SYNE2: variants seen among roughly 807,000 people sequenced by gnomAD.
SYNE2 encodes spectrin repeat containing nuclear envelope protein 2.
Under a neutral mutation model 856.3 loss-of-function variants are expected in SYNE2, and 431 were observed. The ratio of observed to expected loss-of-function variants is 0.50; its 90% CI spans 0.47 to 0.55. The LOEUF (loss-of-function observed/expected upper bound fraction) is 0.55, where lower values mean the gene tolerates loss of function less well. Ranked by LOEUF, SYNE2 falls within the 20% of genes least tolerant of loss-of-function variation. SYNE2 has a pLI of 0.00. For missense variants in SYNE2, 8,129 were observed against 8,023.2 expected (o/e 1.01, Z -0.50); for synonymous variants, 2,923 against 2,872.3 (o/e 1.02, Z -0.56).
At chr14:63,970,223 CTG>C (rs1566938454) in intron 11 of SYNE2, among the ~76,000 whole-genome samples, 1 of 152,048 alleles carries the variant, frequency 6.6e-6, no homozygotes, top group African/African-American at 2.4e-5. Flanking sequence ...GAATCTCACT[CTG>C]TTGTCCAGAC....
intron 1 of SYNE2, among the ~76,000 whole-genome samples, chr14:63,771,160 C>T (rs1404260215): frequency 6.6e-6 from 1 of 151,310 alleles, no homozygotes; most frequent in Non-Finnish European, 1.5e-5. Context: ...AGCTCCGCCT[C>T]CCGGGTTCAC....
intron 2 of SYNE2, among the ~76,000 whole-genome samples, chr14:63,926,132 C>G (rs530284340): frequency 1.3e-5 from 2 of 152,202 alleles, no homozygotes; most frequent in South Asian, 4.2e-4. Flanking sequence ...GTGTGAGCCA[C>G]CGCACCTGGC....
intron 2 of SYNE2, among the ~76,000 whole-genome samples, chr14:63,924,834 GTTT>G (rs1160819887): frequency 1.8e-5 from 1 of 56,414 alleles, no homozygotes; most frequent in African/African-American, 5.8e-5. Flanking sequence ...CAGCCTTGGT[GTTT>G]TTTTTTTTTT....
rs1270226116 is a variant in SYNE2 at position 63,996,927 on chromosome 14, T to A, written c.2941-20T>A. 6.2e-7 allele frequency: 1 copy of A among 1,611,790 alleles called. No individual in the cohort carries two copies. ...GTAAACTCACCAGAAGCACATTTCC[T>A]GCTTTATTTCTTCAATTAGGCCTGC... On this transcript the variant is annotated intron_variant, in intron 23 of 115. Coordinates refer to ENST00000555002, the MANE Select transcript of SYNE2 (RefSeq NM_182914.3).
At chr14:64,192,413 A>G (rs2098522761) in intron 99 of SYNE2, among the ~76,000 whole-genome samples, 1 of 151,994 alleles carries the variant, frequency 6.6e-6, no homozygotes, top group African/African-American at 2.4e-5. Flanking sequence ...TTAATCGTTC[A>G]TGCTCTGCTT....
intron 92 of SYNE2, 132 bp downstream of exon 92, chr14:64,167,771 C>A: frequency 8.2e-7 from 1 of 1,223,020 alleles, no homozygotes; most frequent in Non-Finnish European, 1.2e-6. Context: ...TAAGCAAATT[C>A]AGTTGTCAAT....
chr14:64,164,327 G>A (rs2098357140), intron 89 of SYNE2, among the ~76,000 whole-genome samples: 1 of 152,072 alleles, frequency 6.6e-6, no homozygotes, highest in African/African-American at 2.4e-5. Flanking sequence ...AGCCAGGATG[G>A]TCTCAATCTC....
chr14:64,082,996 TTCTGC>T lies in SYNE2; in HGVS notation c.11484+1417_11484+1421del, dbSNP rs533355671. On this transcript the variant is annotated intron_variant, in intron 57 of 115. Coordinates refer to ENST00000555002, the MANE Select transcript of SYNE2 (RefSeq NM_182914.3). ...GCGCAGGTGTGTTTCCCTTCTCTTA[TTCTGC>T]CATGAGAAGGAATCCCTTAGAGAAA... is the stretch of plus-strand genomic sequence containing the variant. Among the ~76,000 whole-genome samples, 280 of 152,304 alleles carry T rather than the reference TTCTGC, an allele frequency of 1.8e-3. 1 individual carries two copies. The highest frequency in any genetic ancestry group is 6.6e-3 in the African/African-American group (275 of 41,570).
At chr14:64,166,398 C>T (rs1411982050) in intron 90 of SYNE2, among the ~76,000 whole-genome samples, 1 of 152,150 alleles carries the variant, frequency 6.6e-6, no homozygotes, top group Non-Finnish European at 1.5e-5. Flanking sequence ...GTAGTGGTAA[C>T]TTCAATATTG....
chr14:64,062,618 A>AT, intron 49 of SYNE2, 133 bp from the exon 50 acceptor site: 1 of 847,232 alleles, frequency 1.2e-6, no homozygotes, highest in Non-Finnish European at 1.9e-6. Flanking sequence ...TTTAAAATGC[A>AT]TTGCCTAGCA....
At chr14:63,813,329 G>A (rs751331773) in intron 1 of SYNE2, among the ~76,000 whole-genome samples, 20 of 152,338 alleles carry the variant, frequency 1.3e-4, no homozygotes, top group Middle Eastern at 3.4e-3. Flanking sequence ...ACTATAGCAC[G>A]TGTGGATATC....
intron 34 of SYNE2, among the ~76,000 whole-genome samples, chr14:64,019,318 A>C (rs2096918846): frequency 6.6e-6 from 1 of 152,110 alleles, no homozygotes; most frequent in African/African-American, 2.4e-5. Flanking sequence ...GAAAACAGCC[A>C]ACTGTTGCCA....
intron 35 of SYNE2, 49 bp downstream of exon 35, chr14:64,020,142 A>T: frequency 7.6e-7 from 1 of 1,316,642 alleles, no homozygotes; most frequent in Admixed American, 1.7e-5. Context: ...TCAGTAAGCC[A>T]TAATCATATC....
At chr14:63,982,573 A>C (rs919244252) in intron 16 of SYNE2, 57 bp from the exon 17 acceptor site, 287 of 1,552,202 alleles carry the variant, frequency 1.8e-4, no homozygotes, top group Non-Finnish European at 3.8e-5. Context: ...TTGATTATAC[A>C]TAATAGAAAG....
chr14:64,095,987 C>T (rs1465798497), intron 61 of SYNE2, among the ~76,000 whole-genome samples: 1 of 152,062 alleles, frequency 6.6e-6, no homozygotes, highest in African/African-American at 2.4e-5. Flanking sequence ...TGCTTTGTGC[C>T]GTGTGAGAAC....
At chr14:64,102,151 C>G in intron 64 of SYNE2, 109 bp downstream of exon 64, 4 of 779,580 alleles carry the variant, frequency 5.1e-6, no homozygotes, top group East Asian at 2.7e-5. Context: ...CGGACTCGCT[C>G]TGTCGCCCAG....
At chr14:63,801,921 T>C (rs1888145847) in intron 1 of SYNE2, among the ~76,000 whole-genome samples, 1 of 151,930 alleles carries the variant, frequency 6.6e-6, no homozygotes, top group Admixed American at 6.6e-5. Context: ...TAATTCTATT[T>C]AAAATTTAGG....
intron 65 of SYNE2, among the ~76,000 whole-genome samples, chr14:64,108,395 A>T (rs1462930685): frequency 3.3e-5 from 5 of 152,052 alleles, no homozygotes; most frequent in Non-Finnish European, 7.4e-5. Context: ...TTGTGAATGG[A>T]GGAATAAGGA....
Position 64,040,607 on chromosome 14 carries a change from T to TATATATATATGTATATAC in SYNE2, c.7222-7385_7222-7384insATGTATATACATATATAT, listed in dbSNP as rs2097141182. Among the ~76,000 whole-genome samples, 8 of 146,658 alleles carry TATATATATATGTATATAC rather than the reference T, an allele frequency of 5.5e-5. No homozygotes were observed. In the Admixed American group the frequency reaches 5.5e-4, roughly 10 times the overall value. On this transcript the variant is annotated intron_variant, in intron 45 of 115. Coordinates refer to ENST00000555002, the MANE Select transcript of SYNE2 (RefSeq NM_182914.3). ...AGAAGTGAGGTTAAAAATATATATA[T>TATATATATATGTATATAC]ATATATATGTATATACATATATATG...
Sources: gnomAD v4.1 joint callset for allele counts (sites outside exome capture counted in the v4.1 genomes callset) on GRCh38, gnomAD v4.1.1 for gene constraint, MANE v1.5 for transcripts, NCBI Gene and HGNC (gene_info 2026-07-23, HGNC 2026-07-21) for gene names.